PRUNE2: variants seen among roughly 807,000 people sequenced by gnomAD.
PRUNE2 encodes the protein protein prune homolog 2.
Under a neutral mutation model 252.0 loss-of-function variants are expected in PRUNE2, and 164 were observed. That is an observed-to-expected ratio of 0.65 (90% CI 0.57 to 0.74). PRUNE2 has a LOEUF of 0.74. PRUNE2 is among the 30% of genes least tolerant of loss of function. The pLI, the probability that PRUNE2 is intolerant of heterozygous loss-of-function variation, is 0.00. For synonymous variants in PRUNE2, 1,292 were observed against 1,350.2 expected (o/e 0.96, Z 0.94); for missense variants, 3,495 against 3,711.0 (o/e 0.94, Z 1.51).
chr9:76,671,748 C>T (rs1049206454), intron 9 of PRUNE2, among the ~76,000 whole-genome samples: 7 of 150,902 alleles, frequency 4.6e-5, no homozygotes, highest in Admixed American at 3.3e-4. Flanking sequence ...GGCCAATATT[C>T]AACATTCTTA....
chr9:76,779,852 T>A (rs959028705), intron 6 of PRUNE2: 13 of 152,244 alleles, frequency 8.5e-5, no homozygotes, highest in African/African-American at 2.9e-4. Context: ...TCAATATAAT[T>A]GCATTTAACA....
At chr9:76,677,357 TTC>T (rs2042781350) in intron 9 of PRUNE2, among the ~76,000 whole-genome samples, 1 of 152,246 alleles carries the variant, frequency 6.6e-6, no homozygotes, top group Non-Finnish European at 1.5e-5. Context: ...CACATAGTAT[TTC>T]TCTGACTTCG....
chr9:76,837,608 G>A (rs1481301329), intron 4 of PRUNE2, among the ~76,000 whole-genome samples: 1 of 149,818 alleles, frequency 6.7e-6, no homozygotes, highest in African/African-American at 2.4e-5. Context: ...ATTATCAGGT[G>A]TCTTTTCAAG....
At position 76,636,577 on chromosome 9, in the gene PRUNE2, A is replaced by C. The variant is rs757760562; in HGVS notation, c.8964-20T>G. On this transcript the variant is annotated intron_variant, in intron 14 of 18. Coordinates refer to ENST00000376718, the MANE Select transcript of PRUNE2 (RefSeq NM_015225.3). ...CTCAACCTATTTTGAAAAAAGAAAA[A>C]AAATACATTACTCTTAACCCATTTT... The C allele has an allele frequency of 7.9e-7, 1 of 1,273,822 alleles. No individual in the cohort carries two copies. The highest frequency in any genetic ancestry group is 1.1e-6 in the Non-Finnish European group (1 of 894,954). 78.9% of individuals were successfully genotyped at this position (1,273,822 alleles called of 1,614,324 possible).
chr9:76,723,894 G>A (rs548626569), intron 6 of PRUNE2, among the ~76,000 whole-genome samples: 1 of 149,030 alleles, frequency 6.7e-6, no homozygotes, highest in East Asian at 2.0e-4. Flanking sequence ...TGCAAGCTCC[G>A]CCTTCTGGGT....
chr9:76,877,125 C>G (rs773040037), intron 1 of PRUNE2, among the ~76,000 whole-genome samples: 6 of 151,814 alleles, frequency 4.0e-5, no homozygotes, highest in Admixed American at 3.3e-4. Context: ...TGCTCTAGAA[C>G]AAGTCTACAA....
chr9:76,836,380 G>A (rs185459722), intron 4 of PRUNE2, among the ~76,000 whole-genome samples: 3 of 105,742 alleles, frequency 2.8e-5, no homozygotes, highest in East Asian at 2.6e-4. Context: ...GAATCAGATA[G>A]GGGGAGGGAG....
chr9:76,643,583 C>T (rs1049661906), intron 12 of PRUNE2, among the ~76,000 whole-genome samples: 7 of 152,168 alleles, frequency 4.6e-5, no homozygotes, highest in Non-Finnish European at 8.8e-5. Flanking sequence ...GCATGATTTC[C>T]CTTAGAGGAA....
At chr9:76,702,912 T>C (rs1657668124) in intron 9 of PRUNE2, among the ~76,000 whole-genome samples, 1 of 152,204 alleles carries the variant, frequency 6.6e-6, no homozygotes, top group African/African-American at 2.4e-5. Context: ...TTTCTGAGCC[T>C]TGAATCCCCC....
chr9:76,677,080 A>G (rs1200858850), intron 9 of PRUNE2, among the ~76,000 whole-genome samples: 5 of 152,234 alleles, frequency 3.3e-5, no homozygotes, highest in African/African-American at 1.2e-4. Flanking sequence ...TGGCTGATTC[A>G]TCTTTCGCAA....
chr9:76,765,908 C>A (rs149371170), intron 6 of PRUNE2, among the ~76,000 whole-genome samples: 6 of 152,104 alleles, frequency 3.9e-5, no homozygotes, highest in Admixed American at 2.6e-4. Flanking sequence ...AGAGGCCAGA[C>A]GCGGTGGCTC....
intron 9 of PRUNE2, among the ~76,000 whole-genome samples, chr9:76,670,198 C>T (rs1258174657): frequency 2.0e-5 from 3 of 152,042 alleles, no homozygotes; most frequent in Non-Finnish European, 2.9e-5. Flanking sequence ...GTGCGCGCAC[C>T]GTGCGCGAGC....
intron 6 of PRUNE2, chr9:76,739,757 T>G (rs1184363677): frequency 2.0e-5 from 3 of 152,152 alleles, no homozygotes; most frequent in Non-Finnish European, 4.4e-5. Context: ...AAATTGTAGA[T>G]GGGGGACTAC....
At chr9:76,853,749 A>G (rs548423257) in intron 2 of PRUNE2, among the ~76,000 whole-genome samples, 1 of 152,266 alleles carries the variant, frequency 6.6e-6, no homozygotes, top group African/African-American at 2.4e-5. Flanking sequence ...GACTATCAGC[A>G]AGGATGACAA....
intron 6 of PRUNE2, among the ~76,000 whole-genome samples, chr9:76,790,865 T>C (rs905259142): frequency 5.3e-5 from 8 of 152,170 alleles, no homozygotes; most frequent in Non-Finnish European, 7.3e-5. Context: ...AACAACATGA[T>C]TGGAAATCCA....
At chr9:76,721,944 GAAC>G (rs1564150886) in intron 6 of PRUNE2, among the ~76,000 whole-genome samples, 2 of 152,154 alleles carry the variant, frequency 1.3e-5, no homozygotes, top group African/African-American at 2.4e-5. Flanking sequence ...TGATTTATGA[GAAC>G]ACCACATGCA....
At chr9:76,807,051 T>TGTGTGTGTGTGTGTGTGC (rs60768420) in intron 6 of PRUNE2, among the ~76,000 whole-genome samples, 6 of 139,338 alleles carry the variant, frequency 4.3e-5, no homozygotes, top group African/African-American at 1.4e-4. Context: ...TGTGTGTGTG[T>TGTGTGTGTGTGTGTGTGC]GCGCGCGCGC....
chr9:76,812,238 G>A (rs2057403351), intron 6 of PRUNE2, among the ~76,000 whole-genome samples: 1 of 152,218 alleles, frequency 6.6e-6, no homozygotes, highest in African/African-American at 2.4e-5. Context: ...CATGCATGAT[G>A]ACCAACAAAG....
intron 6 of PRUNE2, among the ~76,000 whole-genome samples, chr9:76,764,237 CAAAT>C (rs921843579): frequency 6.4e-4 from 78 of 122,686 alleles, no homozygotes; most frequent in South Asian, 2.2e-3. Context: ...AACAAACAAA[CAAAT>C]AAATAAATAA....
Sources: allele counts gnomAD v4.1 joint callset (sites outside exome capture counted in the v4.1 genomes callset), GRCh38; gene constraint gnomAD v4.1.1; transcripts MANE v1.5; gene names NCBI Gene and HGNC (gene_info 2026-07-23, HGNC 2026-07-21).